SHLD1: variants seen among roughly 807,000 people sequenced by gnomAD.
The protein encoded by SHLD1 is RINN1-REV7-interacting novel NHEJ regulator 3.
In SHLD1, 3 loss-of-function variants were observed where a neutral mutation model predicts 5.5. The observed-to-expected ratio is 0.54, with a 90% CI of 0.25 to 1.40. SHLD1 has a LOEUF of 1.40. Among genes scored for constraint, SHLD1 ranks in the 40% most tolerant of loss-of-function variants. The pLI is 0.15. For missense variants in SHLD1, 210 were observed against 244.4 expected (o/e 0.86, Z 0.94); for synonymous variants, 92 against 94.3 (o/e 0.98, Z 0.14).
At position 5,772,914 on chromosome 20, in the gene SHLD1, G is replaced by GCTTT. The variant is rs778527461; in HGVS notation, c.50_53dup (p.Leu18PhefsTer9). On this transcript the variant is annotated frameshift_variant, in exon 2 of 3. Coordinates refer to ENST00000303142, the MANE Select transcript of SHLD1 (RefSeq NM_152504.4). LOFTEE classifies it high-confidence loss of function. Reference sequence around the variant, plus strand: ...AGGCAGCCTGTCAGAGGAGAGCAGTGCTTTGGACCTGCCATCAGCGTGTGA... The same window carrying GCTTT: ...AGGCAGCCTGTCAGAGGAGAGCAGTGCTTTCTTTGGACCTGCCATCAGCGTGTGA... 8.7e-6 allele frequency: 14 copies of GCTTT among 1,614,078 alleles called. No individual in the cohort carries two copies. In the African/African-American group the frequency reaches 1.7e-4, roughly 20 times the overall value.
intron 2 of SHLD1, among the ~76,000 whole-genome samples, chr20:5,849,731 G>T (rs182910263): frequency 2.0e-5 from 3 of 150,142 alleles, no homozygotes; most frequent in Non-Finnish European, 4.4e-5. Context: ...AGGCCGAGGC[G>T]GGTGGATCAT....
chr20:5,851,652 A>G (rs2088012043), intron 2 of SHLD1, among the ~76,000 whole-genome samples: 2 of 151,456 alleles, frequency 1.3e-5, no homozygotes, highest in South Asian at 4.1e-4. Flanking sequence ...AATTTTAATA[A>G]TATGTTTTAT....
chr20:5,845,729 A>T (rs1258659150), intron 2 of SHLD1, among the ~76,000 whole-genome samples: 1 of 152,138 alleles, frequency 6.6e-6, no homozygotes, highest in Non-Finnish European at 1.5e-5. Context: ...TTCACTCCTC[A>T]TGCCTCTTAA....
chr20:5,828,922 G>C (rs2087696881), intron 2 of SHLD1, among the ~76,000 whole-genome samples: 1 of 152,090 alleles, frequency 6.6e-6, no homozygotes, highest in South Asian at 2.1e-4. Context: ...ACCCAGGCTG[G>C]AGTACAGTGG....
At chr20:5,809,933 C>T (rs1342622438) in intron 2 of SHLD1, among the ~76,000 whole-genome samples, 1 of 151,970 alleles carries the variant, frequency 6.6e-6, no homozygotes, top group Non-Finnish European at 1.5e-5. Flanking sequence ...TCTGGCATAT[C>T]TAGTTTATCA....
rs765142480 is a variant in SHLD1, at chr20:5,863,470, C to G, written c.*7C>G. On this transcript the variant is annotated 3_prime_UTR_variant, in exon 3 of 3. Transcript: ENST00000303142. The stretch of plus-strand genomic sequence containing the variant: ...TGTAATGAAAGACCTGTAACTGGTG[C>G]CGGGCAGTGTGCAGGGTAGTAATGG... 2.6e-5 allele frequency: 42 copies of G among 1,586,368 alleles called. No individual in the cohort carries two copies. Among genetic ancestry groups the G allele is most frequent in the Non-Finnish European group, 3.4e-6 (4 of 1,167,006 alleles).
At chr20:5,812,315 C>T (rs1243237349) in intron 2 of SHLD1, among the ~76,000 whole-genome samples, 1 of 152,094 alleles carries the variant, frequency 6.6e-6, no homozygotes, top group Non-Finnish European at 1.5e-5. Context: ...CATGGCCTAG[C>T]ATGAGTCCAT....
At chr20:5,841,291 G>A (rs1311312333) in intron 2 of SHLD1, among the ~76,000 whole-genome samples, 1 of 151,940 alleles carries the variant, frequency 6.6e-6, no homozygotes, top group Non-Finnish European at 1.5e-5. Flanking sequence ...TTACAGTTTG[G>A]TGAATTTTTA....
intron 2 of SHLD1, among the ~76,000 whole-genome samples, chr20:5,816,146 G>A (rs1303247586): frequency 6.8e-6 from 1 of 146,738 alleles, no homozygotes; most frequent in Non-Finnish European, 1.5e-5. Context: ...AGAATACACA[G>A]CCCATGAATT....
chr20:5,857,896 G>A (rs1334519307), intron 2 of SHLD1, among the ~76,000 whole-genome samples: 4 of 152,076 alleles, frequency 2.6e-5, no homozygotes, highest in Non-Finnish European at 4.4e-5. Context: ...TCAGGAGATC[G>A]AGACCATCCC....
At chr20:5,847,774 A>G (rs1009309365) in intron 2 of SHLD1, among the ~76,000 whole-genome samples, 2 of 152,144 alleles carry the variant, frequency 1.3e-5, no homozygotes, top group African/African-American at 2.4e-5. Flanking sequence ...AAACCCAAAC[A>G]CTGCTGGTGG....
Position 5,783,636 on chromosome 20 carries a change from A to G in SHLD1, c.178+10593A>G, listed in dbSNP as rs192126838. Among the ~76,000 whole-genome samples, 235 of 152,330 alleles carry G rather than the reference A, an allele frequency of 1.5e-3. 3 individuals are homozygous for G. The highest frequency in any genetic ancestry group is 4.7e-3 in the African/African-American group (195 of 41,582). On this transcript the variant is annotated intron_variant, in intron 2 of 2. Transcript: ENST00000303142. ...GAAGGCAGCAGTGAATTTTAATTGT[A>G]TGGCCTGAGGCGTGAAGGATAAACC...
intron 2 of SHLD1, among the ~76,000 whole-genome samples, chr20:5,819,982 C>T (rs142767034): frequency 4.6e-5 from 7 of 152,070 alleles, no homozygotes; most frequent in African/African-American, 9.6e-5. Context: ...CTTGCTCTGT[C>T]GCCCAGACAG....
chr20:5,780,929 C>G (rs2086981962), intron 2 of SHLD1, among the ~76,000 whole-genome samples: 1 of 152,164 alleles, frequency 6.6e-6, no homozygotes, highest in South Asian at 2.1e-4. Flanking sequence ...TCTGGAGGAG[C>G]AAATTAGTAG....
chr20:5,816,846 G>C (rs975321295), intron 2 of SHLD1, among the ~76,000 whole-genome samples: 5 of 152,176 alleles, frequency 3.3e-5, no homozygotes, highest in African/African-American at 9.7e-5. Flanking sequence ...GAGGCGGGTG[G>C]TTCACTTGAG....
intron 2 of SHLD1, among the ~76,000 whole-genome samples, chr20:5,840,152 C>A (rs1469465391): frequency 6.6e-6 from 1 of 152,156 alleles, no homozygotes; most frequent in South Asian, 2.1e-4. Flanking sequence ...TTCTTGCATG[C>A]TTTATTAGTC....
chr20:5,849,814 C>A (rs1471870541), intron 2 of SHLD1, among the ~76,000 whole-genome samples: 4 of 150,570 alleles, frequency 2.7e-5, no homozygotes, highest in Non-Finnish European at 5.9e-5. Context: ...AAAAAATTAG[C>A]CGGGCGCGGT....
At chr20:5,798,227 GA>G (rs1226698550) in intron 2 of SHLD1, among the ~76,000 whole-genome samples, 2 of 152,152 alleles carry the variant, frequency 1.3e-5, no homozygotes, top group African/African-American at 4.8e-5. Context: ...TCAGGCTTCT[GA>G]CAACATGGTG....
chr20:5,779,978 T>TG (rs1187877260), intron 2 of SHLD1, among the ~76,000 whole-genome samples: 1 of 139,162 alleles, frequency 7.2e-6, no homozygotes, highest in East Asian at 2.0e-4. Flanking sequence ...TTCTGTTTTT[T>TG]TTTTTTTTTT....
Sources: gnomAD v4.1 joint callset for allele counts (sites outside exome capture counted in the v4.1 genomes callset) on GRCh38, gnomAD v4.1.1 for gene constraint, MANE v1.5 for transcripts, NCBI Gene and HGNC (gene_info 2026-07-23, HGNC 2026-07-21) for gene names.